USH2A: variants seen among roughly 807,000 people sequenced by gnomAD.
The protein encoded by USH2A is usherin, also known as Usher syndrome 2A (autosomal recessive, mild).
USH2A carries 443 observed loss-of-function variants against 538.9 expected under a neutral mutation model. The observed-to-expected ratio is 0.82, with a 90% CI of 0.76 to 0.89. The LOEUF is 0.89. Among genes scored for constraint, USH2A ranks in the 40% least tolerant of loss-of-function variants. The probability of loss-of-function intolerance (pLI) is 0.00; values close to 1 mark genes in which losing one functional copy is unlikely to be tolerated. For missense variants in USH2A, 6,633 were observed against 6,324.8 expected, an observed-to-expected ratio of 1.05 and a Z score of -1.65; for synonymous variants, 2,413 against 2,273.5, an observed-to-expected ratio of 1.06 and a Z score of -1.75.
chr1:215,648,136 T>A (rs1460974776), intron 66 of USH2A, among the ~76,000 whole-genome samples: 2 of 152,266 alleles, frequency 1.3e-5, no homozygotes, highest in Non-Finnish European at 2.9e-5. Context: ...ATGACAATAT[T>A]TTAAATTAGA....
At position 215,658,036 on chromosome 1, in the gene USH2A, C is replaced by T. The variant is rs973694842; in HGVS notation, c.14134-7235G>A. Among the ~76,000 whole-genome samples, 13 of 150,518 alleles carry T rather than the reference C, an allele frequency of 8.6e-5. 1 individual carries two copies. In the East Asian group the frequency reaches 2.2e-3, roughly 26 times the overall value. On this transcript the variant is annotated intron_variant, in intron 64 of 71. Transcript: ENST00000307340. ...GCAAGCTCCGCCTCCCAGGTTCACA[C>T]TATTCTCCTGCCTCAGCCTCCCGAG...
intron 49 of USH2A, among the ~76,000 whole-genome samples, chr1:215,802,760 A>G (rs951198533): frequency 6.6e-6 from 1 of 152,184 alleles, no homozygotes; most frequent in African/African-American, 2.4e-5. Flanking sequence ...TTCTGGGTAT[A>G]AACCCAAAAG....
intron 13 of USH2A, among the ~76,000 whole-genome samples, chr1:216,239,337 G>C (rs2035890049): frequency 6.6e-6 from 1 of 152,116 alleles, no homozygotes; most frequent in South Asian, 2.1e-4. Flanking sequence ...AAACACCACA[G>C]ACCTTTGCTA....
Position 215,998,869 on chromosome 1 carries a change from T to C in USH2A, c.6657+18A>G. On this transcript the variant is annotated intron_variant, in intron 34 of 71. Coordinates refer to ENST00000307340, the MANE Select transcript of USH2A (RefSeq NM_206933.4). Reference sequence around the variant, plus strand: ...GTGGAAGGAATGGGGACAGAGAAAGTGATGGAAATAAACTTACTCCCAGCT... The same window carrying C: ...GTGGAAGGAATGGGGACAGAGAAAGCGATGGAAATAAACTTACTCCCAGCT... The C allele has an allele frequency of 1.2e-6, 2 of 1,610,372 alleles. No individual in the cohort carries two copies. The highest frequency in any genetic ancestry group is 1.7e-6 in the Non-Finnish European group (2 of 1,177,478).
chr1:215,734,943 C>A (rs1660113628), intron 60 of USH2A, among the ~76,000 whole-genome samples: 1 of 152,220 alleles, frequency 6.6e-6, no homozygotes, highest in African/African-American at 2.4e-5. Flanking sequence ...GCCCTCCCAA[C>A]TCTTTCAACC....
chr1:215,910,431 C>T (rs996242243), intron 38 of USH2A, among the ~76,000 whole-genome samples: 2 of 151,702 alleles, frequency 1.3e-5, no homozygotes, highest in African/African-American at 4.8e-5. Flanking sequence ...CTCTATGTGC[C>T]CCAGTTTCTT....
At chr1:216,368,511 C>A (rs2102713514) in intron 3 of USH2A, among the ~76,000 whole-genome samples, 1 of 152,184 alleles carries the variant, frequency 6.6e-6, no homozygotes, top group African/African-American at 2.4e-5. Flanking sequence ...AATGGTAATC[C>A]CATTGCCTAC....
chr1:216,016,837 A>G (rs916425947), intron 32 of USH2A, among the ~76,000 whole-genome samples: 25 of 115,866 alleles, frequency 2.2e-4, no homozygotes, highest in African/African-American at 8.4e-4. Flanking sequence ...GAGGGTTTTC[A>G]GTCACTACTT....
intron 3 of USH2A, among the ~76,000 whole-genome samples, chr1:216,375,754 C>T (rs1400856979): frequency 6.6e-6 from 1 of 152,122 alleles, no homozygotes; most frequent in Non-Finnish European, 1.5e-5. Context: ...TTTCTACATG[C>T]CTTCCTCACT....
At chr1:215,975,644 T>C (rs1667602764) in intron 35 of USH2A, among the ~76,000 whole-genome samples, 1 of 152,206 alleles carries the variant, frequency 6.6e-6, no homozygotes, top group African/African-American at 2.4e-5. Flanking sequence ...GCTGTATTTC[T>C]AGATTCTCTT....
At chr1:216,242,595 G>T (rs116179637) in intron 13 of USH2A, among the ~76,000 whole-genome samples, 1 of 151,962 alleles carries the variant, frequency 6.6e-6, no homozygotes, top group African/African-American at 2.4e-5. Context: ...AAAGAAACAG[G>T]TTGATAATTT....
intron 3 of USH2A, among the ~76,000 whole-genome samples, chr1:216,383,628 T>C (rs927888141): frequency 6.6e-6 from 1 of 152,150 alleles, no homozygotes; most frequent in African/African-American, 2.4e-5. Context: ...AACATAGGAT[T>C]GTATGTCTGA....
At chr1:216,221,305 G>A (rs535923164) in intron 14 of USH2A, among the ~76,000 whole-genome samples, 1 of 152,260 alleles carries the variant, frequency 6.6e-6, no homozygotes, top group African/African-American at 2.4e-5. Context: ...TCTTAAACCA[G>A]TGTTCTCAGT....
chr1:215,847,077 C>G (rs1004124440), intron 44 of USH2A, among the ~76,000 whole-genome samples: 4 of 152,136 alleles, frequency 2.6e-5, no homozygotes, highest in African/African-American at 7.2e-5. Context: ...ATTCTTCAAC[C>G]CTTATCCTTT....
At chr1:216,059,285 A>T (rs1346916130) in intron 30 of USH2A, among the ~76,000 whole-genome samples, 1 of 152,198 alleles carries the variant, frequency 6.6e-6, no homozygotes, top group East Asian at 1.9e-4. Context: ...AAATAACGTG[A>T]TTTAAAGTTC....
Position 216,418,643 on chromosome 1 carries a change from C to T in USH2A, c.522G>A (p.Val174=), listed in dbSNP as rs767250706. 1 of 1,613,210 alleles carries T rather than the reference C, an allele frequency of 6.2e-7. No homozygotes were observed. Among genetic ancestry groups the T allele is most frequent in the Non-Finnish European group, 8.5e-7 (1 of 1,179,510 alleles). The change falls in exon 3 of 72, where the codon GTG becomes GTA. Residue 174 remains valine, a synonymous_variant. Coordinates refer to ENST00000307340, the MANE Select transcript of USH2A (RefSeq NM_206933.4). ...VIEKTVDGQI[V]FKLTISEKET... is the part of the protein sequence containing the mutation. The stretch of plus-strand genomic sequence containing the variant: ...CTTTCTCAGATATTGTAAGTTTGAA[C>T]ACAATCTGCCCATCTACTGTCTTTT...
intron 47 of USH2A, among the ~76,000 whole-genome samples, chr1:215,826,345 G>A (rs1383337244): frequency 6.6e-6 from 1 of 152,194 alleles, no homozygotes; most frequent in Non-Finnish European, 1.5e-5. Context: ...ATTCTCATGA[G>A]GACCTCTCAA....
At chr1:216,271,423 C>G (rs2036574085) in intron 11 of USH2A, among the ~76,000 whole-genome samples, 1 of 152,040 alleles carries the variant, frequency 6.6e-6, no homozygotes, top group Non-Finnish European at 1.5e-5. Context: ...TGATGCTTGC[C>G]AAGCAATTTT....
rs537619240 is a variant in USH2A at position 215,732,431 on chromosome 1, C to T, written c.11712-4047G>A. ...TTTATATTCTAGTTATCATCAAATG[C>T]TTGACTATAGTTTCTTATATTCCAT... On this transcript the variant is annotated intron_variant, in intron 60 of 71. Transcript: ENST00000307340. Among the ~76,000 whole-genome samples, 15 of 151,552 alleles carry T rather than the reference C, an allele frequency of 9.9e-5. No homozygotes were observed. In the South Asian group the frequency reaches 3.1e-3, roughly 32 times the overall value.
Sources: allele counts gnomAD v4.1 joint callset (sites outside exome capture counted in the v4.1 genomes callset), GRCh38; gene constraint gnomAD v4.1.1; transcripts MANE v1.5; gene names NCBI Gene and HGNC (gene_info 2026-07-23, HGNC 2026-07-21).